The following SLC25A26 variants were observed in gnomAD, a reference collection of about 807,000 sequenced individuals.
SLC25A26 encodes the protein mitochondrial S-adenosylmethionine carrier protein.
In SLC25A26, 36 loss-of-function variants were observed where a neutral mutation model predicts 37.8. That is an observed-to-expected ratio of 0.95 (90% CI 0.73 to 1.26). The LOEUF is 1.26. Among genes scored for constraint, SLC25A26 ranks in the 50% most tolerant of loss-of-function variants. The pLI, the probability that SLC25A26 is intolerant of heterozygous loss-of-function variation, is 0.00. For missense variants in SLC25A26, 390 were observed against 331.1 expected, an observed-to-expected ratio of 1.18 and a Z score of -1.38; for synonymous variants, 129 against 122.5, an observed-to-expected ratio of 1.05 and a Z score of -0.35.
chr3:66,367,709 G>C (rs1488825083), intron 7 of SLC25A26, among the ~76,000 whole-genome samples: 23 of 127,790 alleles, frequency 1.8e-4, no homozygotes, highest in African/African-American at 6.3e-4. Context: ...GACAGACACA[G>C]AGAGAGAGAG....
chr3:66,322,758 G>T (rs2075730230), intron 5 of SLC25A26, among the ~76,000 whole-genome samples: 2 of 152,040 alleles, frequency 1.3e-5, no homozygotes, highest in South Asian at 4.1e-4. Flanking sequence ...TCAGTCAGTG[G>T]TAAATTATCA....
chr3:66,334,137 A>G (rs1198819384), intron 5 of SLC25A26, among the ~76,000 whole-genome samples: 1 of 152,156 alleles, frequency 6.6e-6, no homozygotes, highest in Non-Finnish European at 1.5e-5. Context: ...GGAGTGATAT[A>G]TTATTCTCAA....
Position 66,377,897 on chromosome 3 carries a change from C to G in SLC25A26, c.*90C>G. 1.0e-6 allele frequency: 1 copy of G among 988,876 alleles called. No homozygotes were observed. Among genetic ancestry groups the G allele is most frequent in the Non-Finnish European group, 1.6e-6 (1 of 631,328 alleles). The allele number at this position is 988,876 out of a possible 1,614,324, so 61.3% of individuals were successfully genotyped here. On this transcript the variant is annotated 3_prime_UTR_variant, in exon 10 of 10. Coordinates refer to ENST00000354883, the MANE Select transcript of SLC25A26 (RefSeq NM_001379210.1). ...CTGAGCAGCTGTCTGAACTATAGGCCCCAGTGCTGAAGACCAGTTGTGCTA... is the reference window on the plus strand; with the variant it reads ...CTGAGCAGCTGTCTGAACTATAGGCGCCAGTGCTGAAGACCAGTTGTGCTA...
chr3:66,276,772 G>A (rs1220123049), intron 5 of SLC25A26, among the ~76,000 whole-genome samples: 1 of 151,838 alleles, frequency 6.6e-6, no homozygotes, highest in Non-Finnish European at 1.5e-5. Flanking sequence ...TAGTGGAGAA[G>A]CAGAAATTTT....
rs1033388896 is a variant in SLC25A26, at chr3:66,206,899, T to C, written c.-353-13843T>C. ...TGGCTAATTTTTCTTTCTTTCTTTT[T>C]TTTTTTTTTTTTTTTTAACACGGAG... On this transcript the variant is annotated intron_variant, in intron 1 of 10. Coordinates refer to the SLC25A26 transcript ENST00000676754. Among the ~76,000 whole-genome samples, 798 of 149,312 alleles carry C rather than the reference T, an allele frequency of 5.3e-3. 10 individuals carry two copies. The highest frequency in any genetic ancestry group is 0.019 in the African/African-American group (756 of 40,800).
At chr3:66,191,034 TCA>T (rs1361065024) in intron 1 of SLC25A26, among the ~76,000 whole-genome samples, 2 of 140,878 alleles carry the variant, frequency 1.4e-5, no homozygotes, top group East Asian at 4.3e-4. Context: ...GCATATAAGC[TCA>T]GTTTCAGACA....
chr3:66,229,527 C>G (rs2071910882), intron 1 of SLC25A26, among the ~76,000 whole-genome samples: 1 of 152,222 alleles, frequency 6.6e-6, no homozygotes, highest in Admixed American at 6.5e-5. Context: ...CATTTCCCCT[C>G]TTGCACTCTC....
At chr3:66,265,035 A>G (rs530913476) in intron 5 of SLC25A26, among the ~76,000 whole-genome samples, 2 of 152,330 alleles carry the variant, frequency 1.3e-5, no homozygotes, top group African/African-American at 2.4e-5. Flanking sequence ...GGTATGGGCC[A>G]GGCATGGTGA....
At chr3:66,162,344 C>CTTTTTTTTTTTTTTTTTTTT (rs562402223) in intron 1 of SLC25A26, among the ~76,000 whole-genome samples, 1 of 47,356 alleles carries the variant, frequency 2.1e-5, no homozygotes. Context: ...ATTTTTTTTT[C>CTTTTTTTTTTTTTTTTTTTT]TTTTTTTTTT....
At chr3:66,361,387 A>C (rs572784698) in intron 6 of SLC25A26, among the ~76,000 whole-genome samples, 6 of 152,344 alleles carry the variant, frequency 3.9e-5, no homozygotes, top group African/African-American at 1.4e-4. Flanking sequence ...GTAAAAGAAT[A>C]ATTTGGACTT....
At chr3:66,276,066 C>A (rs761703440) in intron 5 of SLC25A26, among the ~76,000 whole-genome samples, 7 of 152,164 alleles carry the variant, frequency 4.6e-5, no homozygotes, top group Non-Finnish European at 8.8e-5. Context: ...CAATTGGAAT[C>A]ATTCAAAGGA....
At position 66,368,412 on chromosome 3, in the gene SLC25A26, A is replaced by G. The variant is rs116206561; in HGVS notation, c.569-1066A>G. ...AACAGAAAGTCCTTCAAAAAGTCCA[A>G]TCTGTGTACAGTTCAGCCATCACGA... is the stretch of plus-strand genomic sequence containing the variant. On this transcript the variant is annotated intron_variant, in intron 7 of 9. Transcript: ENST00000354883. Among the ~76,000 whole-genome samples, 783 of 152,312 alleles carry G rather than the reference A, an allele frequency of 5.1e-3. 11 individuals carry two copies. The highest frequency in any genetic ancestry group is 0.014 in the African/African-American group (578 of 41,564).
intron 5 of SLC25A26, among the ~76,000 whole-genome samples, chr3:66,322,054 T>C (rs539359208): frequency 6.6e-5 from 10 of 152,080 alleles, no homozygotes; most frequent in Non-Finnish European, 1.2e-4. Context: ...CACTGCCACA[T>C]TGGGGATCAA....
intron 5 of SLC25A26, among the ~76,000 whole-genome samples, chr3:66,340,610 G>T (rs1432355567): frequency 6.6e-6 from 1 of 151,762 alleles, no homozygotes; most frequent in African/African-American, 2.4e-5. Context: ...TGGGGTCAAG[G>T]CTTATTTTTA....
At chr3:66,206,479 T>G (rs2071178700) in intron 1 of SLC25A26, among the ~76,000 whole-genome samples, 1 of 152,194 alleles carries the variant, frequency 6.6e-6, no homozygotes, top group Admixed American at 6.5e-5. Context: ...CTGTAGCACA[T>G]TCACAGGGAT....
At chr3:66,233,593 A>T (rs2072133797) in intron 1 of SLC25A26, among the ~76,000 whole-genome samples, 1 of 152,232 alleles carries the variant, frequency 6.6e-6, no homozygotes, top group Non-Finnish European at 1.5e-5. Flanking sequence ...ATACAAAACA[A>T]TATTGATATA....
At chr3:66,226,937 A>G (rs1304199431) in intron 1 of SLC25A26, among the ~76,000 whole-genome samples, 1 of 151,974 alleles carries the variant, frequency 6.6e-6, no homozygotes, top group Non-Finnish European at 1.5e-5. Flanking sequence ...GTAATTAAAA[A>G]CATTAGAAAC....
intron 1 of SLC25A26, among the ~76,000 whole-genome samples, chr3:66,157,063 T>A (rs1475407393): frequency 6.6e-6 from 1 of 151,896 alleles, no homozygotes; most frequent in Admixed American, 6.6e-5. Flanking sequence ...TGAGACCCCA[T>A]CTCCACAAAA....
chr3:66,288,024 G>T (rs9884004), intron 5 of SLC25A26, among the ~76,000 whole-genome samples: 5,426 of 152,268 alleles, frequency 0.036, 335 homozygotes, highest in African/African-American at 0.12. Flanking sequence ...TAAGTGTAGG[G>T]TACAGAGGTG....
Sources: gnomAD v4.1 joint callset for allele counts (sites outside exome capture counted in the v4.1 genomes callset) on GRCh38, gnomAD v4.1.1 for gene constraint, MANE v1.5 for transcripts, NCBI Gene and HGNC (gene_info 2026-07-23, HGNC 2026-07-21) for gene names.